Variants in TCAIM observed in about 807,000 individuals in gnomAD.
TCAIM encodes the protein T-cell activation inhibitor, mitochondrial.
Under a neutral mutation model 58.6 loss-of-function variants are expected in TCAIM, and 36 were observed. That is an observed-to-expected ratio of 0.61 (90% CI 0.47 to 0.81). The LOEUF (loss-of-function observed/expected upper bound fraction) is 0.81, where lower values mean the gene tolerates loss of function less well. Among genes scored for constraint, TCAIM ranks in the 30% least tolerant of loss-of-function variants. TCAIM has a pLI of 0.00. For missense variants in TCAIM, 466 were observed against 579.6 expected (o/e 0.80, Z 2.01); for synonymous variants, 172 against 193.6 (o/e 0.89, Z 0.93).
At chr3:44,350,807 A>G (rs758873203) in intron 1 of TCAIM, among the ~76,000 whole-genome samples, 14 of 152,172 alleles carry the variant, frequency 9.2e-5, no homozygotes, top group Admixed American at 7.9e-4. Context: ...TTAATATCCT[A>G]CCACCTAGAG....
chr3:44,399,608 T>C (rs1344974190), intron 8 of TCAIM, among the ~76,000 whole-genome samples: 1 of 152,154 alleles, frequency 6.6e-6, no homozygotes, highest in Non-Finnish European at 1.5e-5. Context: ...CCTTATTGTT[T>C]CCAAACATGC....
chr3:44,385,544 G>A (rs6808114), intron 5 of TCAIM, among the ~76,000 whole-genome samples: 22,482 of 151,546 alleles, frequency 0.15, 1,715 homozygotes, highest in Admixed American at 0.17. Context: ...GATTGAGACC[G>A]TCCTGGCTAA....
At chr3:44,361,868 T>C (rs912593416) in intron 4 of TCAIM, among the ~76,000 whole-genome samples, 2 of 152,208 alleles carry the variant, frequency 1.3e-5, no homozygotes, top group African/African-American at 2.4e-5. Flanking sequence ...CTGGTAGTAC[T>C]TACCCAATTG....
chr3:44,375,385 A>G (rs530701364), intron 5 of TCAIM, among the ~76,000 whole-genome samples: 1 of 152,302 alleles, frequency 6.6e-6, no homozygotes, highest in East Asian at 1.9e-4. Context: ...GGAAAGAAGA[A>G]CAAGCATCAT....
chr3:44,400,242 A>G (rs867554015), intron 8 of TCAIM, 113 bp from the exon 9 acceptor site: 23 of 829,756 alleles, frequency 2.8e-5, no homozygotes, highest in South Asian at 3.7e-5. Context: ...CTTTCCTTCA[A>G]TGAAAATCAT....
intron 8 of TCAIM, among the ~76,000 whole-genome samples, chr3:44,399,275 C>T (rs1701986486): frequency 6.6e-6 from 1 of 151,962 alleles, no homozygotes; most frequent in Non-Finnish European, 1.5e-5. Flanking sequence ...TATGAATCTA[C>T]AATTATCTCA....
chr3:44,378,337 GC>G (rs1444855703), intron 5 of TCAIM, among the ~76,000 whole-genome samples: 2 of 151,788 alleles, frequency 1.3e-5, no homozygotes, highest in African/African-American at 4.8e-5. Context: ...CTGAGATCGT[GC>G]CACTGCACTC....
intron 10 of TCAIM, among the ~76,000 whole-genome samples, chr3:44,403,060 G>A (rs1702045206): frequency 6.6e-6 from 1 of 152,182 alleles, no homozygotes. Context: ...CTTGAGGTCA[G>A]GAGTTTGAGA....
rs1183057856 is a variant in TCAIM, at chr3:44,407,918, C to A, written c.*236C>A. ...TAGGGAGGCTAAGATAGGAGGATCACTTGAGCCCAGGAGGCCAAGGTTGCA... is the reference window on the plus strand; with the variant it reads ...TAGGGAGGCTAAGATAGGAGGATCAATTGAGCCCAGGAGGCCAAGGTTGCA... On this transcript the variant is annotated 3_prime_UTR_variant, in exon 11 of 11. Coordinates refer to ENST00000342649, the MANE Select transcript of TCAIM (RefSeq NM_173826.4). 3 of 342,258 alleles carry A rather than the reference C, an allele frequency of 8.8e-6. No individual in the cohort carries two copies. Among genetic ancestry groups the A allele is most frequent in the Admixed American group, 9.6e-5 (2 of 20,938 alleles). 21.2% of individuals were successfully genotyped at this position (342,258 alleles called of 1,614,324 possible).
At chr3:44,396,302 A>G in intron 6 of TCAIM, 98 bp from the exon 7 acceptor site, 1 of 902,138 alleles carries the variant, frequency 1.1e-6, no homozygotes, top group South Asian at 1.8e-5. Context: ...TCAAAAAGAG[A>G]CTCATTGGCT....
chr3:44,393,273 CAT>C (rs1289115652), intron 6 of TCAIM, among the ~76,000 whole-genome samples: 1 of 151,754 alleles, frequency 6.6e-6, no homozygotes, highest in African/African-American at 2.4e-5. Context: ...GCCTGGGCAA[CAT>C]ATAGAGACCC....
At chr3:44,349,955 C>T (rs572767488) in intron 1 of TCAIM, among the ~76,000 whole-genome samples, 2 of 151,894 alleles carry the variant, frequency 1.3e-5, no homozygotes, top group Admixed American at 6.5e-5. Flanking sequence ...ATCTTTCTTA[C>T]GGAGCAAAGA....
chr3:44,394,936 ATATATATATATATATATATATATG>A lies in TCAIM; in HGVS notation c.696-1456_696-1433del, dbSNP rs1238820523. 1.8e-4 allele frequency among the ~76,000 whole-genome samples: 12 copies of A among 66,564 alleles called. No homozygotes were observed. The East Asian group carries it at 3.2e-3, about 18-fold the overall frequency. The allele number at this position is 66,564 out of a possible 152,430, so 43.7% of individuals were successfully genotyped here. The stretch of plus-strand genomic sequence containing the variant: ...AAAAAAAAAAAATATATATATATAT[ATATATATATATATATATATATATG>A]TATATATCCCACATAAACTCTAGTT... On this transcript the variant is annotated intron_variant, in intron 6 of 10. Coordinates refer to ENST00000342649, the MANE Select transcript of TCAIM (RefSeq NM_173826.4).
chr3:44,345,843 C>G (rs530055042), intron 1 of TCAIM, among the ~76,000 whole-genome samples: 4 of 152,182 alleles, frequency 2.6e-5, no homozygotes, highest in Admixed American at 2.6e-4. Flanking sequence ...CAGAAGGTAT[C>G]AGTTATGATG....
At chr3:44,375,379 A>G (rs1701548844) in intron 5 of TCAIM, among the ~76,000 whole-genome samples, 1 of 152,190 alleles carries the variant, frequency 6.6e-6, no homozygotes, top group Non-Finnish European at 1.5e-5. Flanking sequence ...TAGAAGGGAA[A>G]GAAGAACAAG....
At chr3:44,406,719 C>T (rs1216506287) in intron 10 of TCAIM, among the ~76,000 whole-genome samples, 1 of 152,132 alleles carries the variant, frequency 6.6e-6, no homozygotes, top group Non-Finnish European at 1.5e-5. Context: ...ACGACCATGG[C>T]AGTTTTGCTT....
At chr3:44,374,727 C>T (rs1223134243) in intron 5 of TCAIM, among the ~76,000 whole-genome samples, 1 of 152,116 alleles carries the variant, frequency 6.6e-6, no homozygotes, top group African/African-American at 2.4e-5. Flanking sequence ...CACCACTGTA[C>T]CCCAGCCTGG....
rs140086027 is a variant in TCAIM, at chr3:44,396,784, G to A, written c.835G>A (p.Val279Met). The change falls in exon 8 of 11, where the codon GTG (valine) becomes ATG (methionine). Residue 279 changes from valine (V) to methionine (M), a missense_variant. Physicochemically the swap from Val to Met is conservative, Grantham distance 21. Transcript: ENST00000342649. ...IFTDRSGMSA[V>M]GHVMLGTMDV... Reference sequence around the variant, plus strand: ...TACAGACCGTTCTGGCATGAGTGCAGTGGGCCATGTGATGCTAGGAACAAT... The same window carrying A: ...TACAGACCGTTCTGGCATGAGTGCAATGGGCCATGTGATGCTAGGAACAAT... The A allele has an allele frequency of 9.3e-6, 15 of 1,614,210 alleles. No homozygotes were observed. The East Asian group carries it at 2.2e-4, about 24-fold the overall frequency.
At chr3:44,405,911 C>T (rs1245884493) in intron 10 of TCAIM, among the ~76,000 whole-genome samples, 2 of 145,112 alleles carry the variant, frequency 1.4e-5, no homozygotes, top group Non-Finnish European at 3.0e-5. Flanking sequence ...AAGATCACGC[C>T]ACTGCACTCC....
Sources: allele counts gnomAD v4.1 joint callset (sites outside exome capture counted in the v4.1 genomes callset), GRCh38; gene constraint gnomAD v4.1.1; transcripts MANE v1.5; gene names NCBI Gene and HGNC (gene_info 2026-07-23, HGNC 2026-07-21).